NOCT: variants seen among roughly 807,000 people sequenced by gnomAD.
NOCT encodes CCR4 carbon catabolite repression 4-like.
In NOCT, 18 loss-of-function variants were observed where a neutral mutation model predicts 35.0. The ratio of observed to expected loss-of-function variants is 0.51; its 90% CI spans 0.36 to 0.76. The LOEUF (loss-of-function observed/expected upper bound fraction) is 0.76. Ranked by LOEUF, NOCT falls within the 30% of genes least tolerant of loss-of-function variation. The pLI, the probability that NOCT is intolerant of heterozygous loss-of-function variation, is 0.01. For missense variants in NOCT, 479 were observed against 541.0 expected (o/e 0.89, Z 1.14); for synonymous variants, 235 against 226.3 (o/e 1.04, Z -0.34).
Position 139,043,288 on chromosome 4 carries a change from T to C in NOCT, c.405T>C (p.Asp135=), listed in dbSNP as rs75806201. 6.3e-3 allele frequency: 10,192 copies of C among 1,614,160 alleles called. 56 individuals are homozygous for C. The highest frequency in any genetic ancestry group is 0.026 in the Admixed American group (1,565 of 60,020). ...GGGATTTTGTGGATCTGAGGACAGA[T>C]TGCCCTAGTACCCACCCACCTATCA... The part of the protein sequence containing the change: ...FQRDFVDLRT[D]CPSTHPPIRV... The change falls in exon 2 of 3, where the codon GAT becomes GAC. Residue 135 remains aspartate (D), a synonymous_variant. Coordinates refer to ENST00000280614, the MANE Select transcript of NOCT (RefSeq NM_012118.4).
intron 1 of NOCT, among the ~76,000 whole-genome samples, chr4:139,034,752 A>G (rs905379438): frequency 6.6e-6 from 1 of 151,674 alleles, no homozygotes; most frequent in South Asian, 2.1e-4. Context: ...TTGTGTTTTT[A>G]TGTTCATCAT....
At chr4:139,021,062 C>G (rs984256889) in intron 1 of NOCT, among the ~76,000 whole-genome samples, 1 of 140,202 alleles carries the variant, frequency 7.1e-6, no homozygotes, top group African/African-American at 2.7e-5. Flanking sequence ...AGGAGCAATA[C>G]TCTGTCTCAA....
chr4:139,016,044 C>T lies in NOCT; in HGVS notation c.63C>T (p.Arg21=), dbSNP rs1726289718. The T allele has an allele frequency of 2.9e-6, 4 of 1,390,568 alleles. No homozygotes were observed. Among genetic ancestry groups the T allele is most frequent in the Non-Finnish European group, 3.7e-6 (4 of 1,071,250 alleles). 86.1% of individuals were successfully genotyped at this position (1,390,568 alleles called of 1,614,324 possible). The change falls in exon 1 of 3, where the codon CGC becomes CGT. Residue 21 remains arginine, a synonymous_variant. Coordinates refer to ENST00000280614, the MANE Select transcript of NOCT (RefSeq NM_012118.4). ...ALLQRDAPGL[R]RLPAPGLRRP... ...TGCAGAGGGACGCGCCCGGCCTGCG[C>T]CGCCTGCCCGCCCCAGGGCTGCGCC...
chr4:139,034,944 T>A (rs1030833198), intron 1 of NOCT, among the ~76,000 whole-genome samples: 1 of 152,218 alleles, frequency 6.6e-6, no homozygotes, highest in East Asian at 1.9e-4. Context: ...CTCCTTTCTC[T>A]CTAACTCAAT....
chr4:139,024,287 A>G (rs1245024868), intron 1 of NOCT, among the ~76,000 whole-genome samples: 1 of 152,044 alleles, frequency 6.6e-6, no homozygotes, highest in Non-Finnish European at 1.5e-5. Flanking sequence ...TCCTGGGCTC[A>G]AGCAGTCCAT....
At chr4:139,033,174 A>G (rs1310804048) in intron 1 of NOCT, among the ~76,000 whole-genome samples, 1 of 151,858 alleles carries the variant, frequency 6.6e-6, no homozygotes, top group Non-Finnish European at 1.5e-5. Flanking sequence ...AGACCAGCCT[A>G]GCCAACGTGG....
At chr4:139,042,391 T>C (rs1418446174) in intron 1 of NOCT, among the ~76,000 whole-genome samples, 3 of 152,050 alleles carry the variant, frequency 2.0e-5, no homozygotes, top group South Asian at 2.1e-4. Flanking sequence ...TCTTAAGATA[T>C]ATAGAAAAAG....
chr4:139,022,227 A>C (rs191924465), intron 1 of NOCT, among the ~76,000 whole-genome samples: 3 of 152,266 alleles, frequency 2.0e-5, no homozygotes, highest in African/African-American at 7.2e-5. Flanking sequence ...TTATTCTTAG[A>C]ATGGGAGAAA....
intron 1 of NOCT, among the ~76,000 whole-genome samples, chr4:139,039,188 G>A (rs1427643472): frequency 5.2e-3 from 156 of 30,252 alleles, no homozygotes; most frequent in East Asian, 9.3e-3. Flanking sequence ...AAAAAAAAAA[G>A]CCATTCTTAG....
intron 1 of NOCT, among the ~76,000 whole-genome samples, chr4:139,019,233 T>C (rs1341893963): frequency 6.6e-6 from 1 of 152,094 alleles, no homozygotes; most frequent in Non-Finnish European, 1.5e-5. Flanking sequence ...TTTTTGTATT[T>C]AGTAGAGACA....
chr4:139,022,835 C>T (rs1176244755), intron 1 of NOCT, among the ~76,000 whole-genome samples: 2 of 152,202 alleles, frequency 1.3e-5, no homozygotes, highest in Admixed American at 1.3e-4. Context: ...TGGCTCATGC[C>T]TGTAATCCCA....
In NOCT at chr4:139,027,744, C is replaced by T. The variant is rs577562521; in HGVS notation, c.190+11573C>T. ...CGATCTCCTGACCTCGTGATCCGCC[C>T]GCCTCGGCCTCCCAAAGTGCTGGGA... On this transcript the variant is annotated intron_variant, in intron 1 of 2. Coordinates refer to ENST00000280614, the MANE Select transcript of NOCT (RefSeq NM_012118.4). 8.5e-5 allele frequency among the ~76,000 whole-genome samples: 13 copies of T among 152,238 alleles called. No homozygotes were observed. The South Asian group carries it at 2.1e-3, about 24-fold the overall frequency.
chr4:139,019,252 A>G (rs559863981), intron 1 of NOCT, among the ~76,000 whole-genome samples: 2 of 152,046 alleles, frequency 1.3e-5, no homozygotes, highest in South Asian at 2.1e-4. Flanking sequence ...CAGGATTTCA[A>G]CGTGTTGCCC....
rs1395037112 is a variant in NOCT at position 139,016,010 on chromosome 4, C to T, written c.29C>T (p.Ser10Leu). MFHSPRRLC[S>L]ALLQRDAPGL... ...TTTCATAGTCCGCGGCGGCTCTGCT[C>T]GGCCCTGCTGCAGAGGGACGCGCCC... is the stretch of plus-strand genomic sequence containing the variant. The change falls in exon 1 of 3, where the codon TCG becomes TTG. Residue 10 changes from serine to leucine, a missense_variant. Transcript: ENST00000280614. 2.1e-6 allele frequency: 3 copies of T among 1,395,650 alleles called. No individual in the cohort carries two copies. Among genetic ancestry groups the T allele is most frequent in the Non-Finnish European group, 2.8e-6 (3 of 1,076,458 alleles). The allele number at this position is 1,395,650 out of a possible 1,614,324, so 86.5% of individuals were successfully genotyped here. A position where few individuals can be genotyped will look rare whatever the true frequency, so the allele number is the denominator to read the frequency against.
intron 1 of NOCT, among the ~76,000 whole-genome samples, chr4:139,038,438 A>G (rs541726773): frequency 7.8e-4 from 119 of 152,220 alleles, no homozygotes; most frequent in Non-Finnish European, 1.5e-3. Context: ...ATAATCTGCT[A>G]TTAGTCCAAA....
At chr4:139,040,330 G>T (rs1052870326) in intron 1 of NOCT, among the ~76,000 whole-genome samples, 12 of 151,908 alleles carry the variant, frequency 7.9e-5, no homozygotes, top group Non-Finnish European at 1.6e-4. Context: ...TTGAGACACC[G>T]CGCCCAGCCT....
chr4:139,031,199 G>T (rs563603858), intron 1 of NOCT, among the ~76,000 whole-genome samples: 2 of 152,034 alleles, frequency 1.3e-5, no homozygotes, highest in African/African-American at 2.4e-5. Flanking sequence ...GCCCAAGCTG[G>T]AGTGCAGTGG....
intron 1 of NOCT, among the ~76,000 whole-genome samples, chr4:139,017,257 T>C (rs1407052513): frequency 4.0e-5 from 6 of 149,764 alleles, no homozygotes; most frequent in Admixed American, 2.0e-4. Context: ...GACGGAGTTT[T>C]GCTCTTATTT....
chr4:139,019,863 C>G (rs1726377447), intron 1 of NOCT, among the ~76,000 whole-genome samples: 4 of 152,196 alleles, frequency 2.6e-5, no homozygotes. Flanking sequence ...CTCCACATCC[C>G]TCCTCCTCAG....
Sources: allele counts gnomAD v4.1 joint callset (sites outside exome capture counted in the v4.1 genomes callset), GRCh38; gene constraint gnomAD v4.1.1; transcripts MANE v1.5; gene names NCBI Gene and HGNC (gene_info 2026-07-23, HGNC 2026-07-21).